Variants in ARHGAP40 observed in about 807,000 individuals in gnomAD.
ARHGAP40 encodes the protein rho GTPase-activating protein 40.
ARHGAP40 carries 43 observed loss-of-function variants against 73.5 expected under a neutral mutation model. The observed-to-expected ratio is 0.58, with a 90% CI of 0.46 to 0.75. ARHGAP40 has a LOEUF of 0.75. Among genes scored for constraint, ARHGAP40 ranks in the 30% least tolerant of loss-of-function variants. The probability of loss-of-function intolerance (pLI) is 0.00; values close to 1 mark genes in which losing one functional copy is unlikely to be tolerated. For missense variants in ARHGAP40, 734 were observed against 861.8 expected, an observed-to-expected ratio of 0.85 and a Z score of 1.86; for synonymous variants, 300 against 352.8, an observed-to-expected ratio of 0.85 and a Z score of 1.68.
intron 2 of ARHGAP40, among the ~76,000 whole-genome samples, chr20:38,625,808 G>A (rs1409455374): frequency 6.6e-6 from 1 of 152,222 alleles, no homozygotes; most frequent in Non-Finnish European, 1.5e-5. Flanking sequence ...GGCAGGTGAT[G>A]TTGGATGCTC....
intron 1 of ARHGAP40, among the ~76,000 whole-genome samples, chr20:38,621,861 C>G (rs913374261): frequency 6.6e-6 from 1 of 152,130 alleles, no homozygotes; most frequent in African/African-American, 2.4e-5. Flanking sequence ...CGAGAACAGC[C>G]TGGGTAACAT....
chr20:38,616,365 C>T (rs192123925), intron 1 of ARHGAP40, among the ~76,000 whole-genome samples: 45 of 152,306 alleles, frequency 3.0e-4, no homozygotes, highest in African/African-American at 9.4e-4. Context: ...ACAAGAGATA[C>T]GTTCAAAAGA....
At chr20:38,620,691 G>A (rs970369357) in intron 1 of ARHGAP40, among the ~76,000 whole-genome samples, 7 of 152,190 alleles carry the variant, frequency 4.6e-5, no homozygotes, top group African/African-American at 1.7e-4. Flanking sequence ...TAATTAACTG[G>A]GACTTGGTCT....
At position 38,631,971 on chromosome 20, in the gene ARHGAP40, T is replaced by G. The variant is rs116177615; in HGVS notation, c.783+2321T>G. ...TATATTTATTTATTTATTTATTTAA[T>G]TTTTTCTTTTTTGAAACAGTCTCAC... On this transcript the variant is annotated intron_variant, in intron 5 of 14. Coordinates refer to ENST00000373345, the Ensembl canonical transcript of ARHGAP40. 8.4e-3 allele frequency among the ~76,000 whole-genome samples: 1,280 copies of G among 152,284 alleles called. 28 individuals carry two copies. The highest frequency in any genetic ancestry group is 0.03 in the African/African-American group (1,234 of 41,548).
intron 11 of ARHGAP40, among the ~76,000 whole-genome samples, chr20:38,645,075 A>C (rs1490774562): frequency 1.3e-5 from 2 of 151,180 alleles, no homozygotes; most frequent in Non-Finnish European, 2.9e-5. Flanking sequence ...GCCAGCTGGC[A>C]CTCCAAACTC....
At chr20:38,630,489 G>A (rs2088931974) in intron 5 of ARHGAP40, among the ~76,000 whole-genome samples, 4 of 152,040 alleles carry the variant, frequency 2.6e-5, no homozygotes, top group Admixed American at 2.6e-4. Flanking sequence ...CCAAAGTGCT[G>A]GGATTACAGG....
At chr20:38,648,548 C>T in intron 13 of ARHGAP40, 95 bp from the exon 14 acceptor site, 1 of 1,060,514 alleles carries the variant, frequency 9.4e-7, no homozygotes, top group Admixed American at 2.8e-5. Flanking sequence ...TGAGGACTGC[C>T]CTTTCCAGGG....
intron 1 of ARHGAP40, among the ~76,000 whole-genome samples, chr20:38,603,315 G>A (rs549470129): frequency 2.5e-4 from 38 of 152,346 alleles, no homozygotes; most frequent in African/African-American, 7.7e-4. Context: ...TCCTATGTGC[G>A]TGGGGCTCTG....
chr20:38,637,725 G>A, exon 7 of ARHGAP40: 1 of 1,305,260 alleles, frequency 7.7e-7, no homozygotes, highest in South Asian at 1.2e-5. Flanking sequence ...CCTCTTTGGT[G>A]TGCCCCTTGA....
chr20:38,605,465 C>A (rs1289910186), intron 1 of ARHGAP40, among the ~76,000 whole-genome samples: 1 of 152,224 alleles, frequency 6.6e-6, no homozygotes, highest in African/African-American at 2.4e-5. Context: ...ACCGAATTCA[C>A]TGTCTATGTG....
In ARHGAP40 at chr20:38,639,213, C is replaced by T; in HGVS notation, c.1120-14C>T. The T allele has an allele frequency of 7.7e-7, 1 of 1,304,796 alleles. No individual in the cohort carries two copies. The highest frequency in any genetic ancestry group is 1.0e-6 in the Non-Finnish European group (1 of 988,396). The allele number at this position is 1,304,796 out of a possible 1,614,324, so 80.8% of individuals were successfully genotyped here. A position where few individuals can be genotyped will look rare whatever the true frequency, so the allele number is the denominator to read the frequency against. ...CCTGGGCCAACTGTGTTTTCATGCC[C>T]CGCCTTCCTGTAGGGGCTGGAACAG... On this transcript the variant is annotated splice_polypyrimidine_tract_variant and intron_variant, in intron 8 of 14. Transcript: ENST00000373345.
chr20:38,631,444 C>T (rs1193934129), intron 5 of ARHGAP40, among the ~76,000 whole-genome samples: 1 of 152,024 alleles, frequency 6.6e-6, no homozygotes, highest in Non-Finnish European at 1.5e-5. Flanking sequence ...AGGTGAAAGG[C>T]ACGTCTCATG....
rs144351852 is a variant in ARHGAP40 at position 38,638,050 on chromosome 20, C to T, written c.1041+251C>T. ...CTTGGCTGGGCGCCGTGGCTCACAC[C>T]TGTAATCCCAGCACTTTGGGAGGCC... On this transcript the variant is annotated intron_variant, in intron 7 of 14. Transcript: ENST00000373345. 2.9e-3 allele frequency among the ~76,000 whole-genome samples: 444 copies of T among 151,842 alleles called. 3 individuals are homozygous for T. Among genetic ancestry groups the T allele is most frequent in the African/African-American group, 0.01 (422 of 41,366 alleles).
chr20:38,643,657 G>A lies in ARHGAP40; in HGVS notation c.1363-47G>A, dbSNP rs114430167. On this transcript the variant is annotated intron_variant, in intron 10 of 14. Coordinates refer to ENST00000373345, the Ensembl canonical transcript of ARHGAP40. ...AATGCCCTGGGGATGGTGGGGAGGCGCCAGGGATGGGCTGAGATTTGAGGG... is the reference window on the plus strand; with the variant it reads ...AATGCCCTGGGGATGGTGGGGAGGCACCAGGGATGGGCTGAGATTTGAGGG... 4,025 of 1,286,114 alleles carry A rather than the reference G, an allele frequency of 3.1e-3. 89 individuals are homozygous for A. The African/African-American group carries it at 0.052, about 17-fold the overall frequency. The allele number at this position is 1,286,114 out of a possible 1,614,324, so 79.7% of individuals were successfully genotyped here.
At chr20:38,639,339 C>T in exon 9 of ARHGAP40, 1 of 1,305,560 alleles carries the variant, frequency 7.7e-7, no homozygotes, top group Non-Finnish European at 1.0e-6. Flanking sequence ...AAGCTGCCGA[C>T]ACCTTTGCTC....
chr20:38,644,802 T>C (rs1178741656), intron 11 of ARHGAP40, among the ~76,000 whole-genome samples: 1 of 151,386 alleles, frequency 6.6e-6, no homozygotes, highest in Non-Finnish European at 1.5e-5. Flanking sequence ...ACCCATCCAC[T>C]CAACCATGCA....
chr20:38,623,057 C>T (rs1237290944), intron 1 of ARHGAP40, among the ~76,000 whole-genome samples: 1 of 152,200 alleles, frequency 6.6e-6, no homozygotes, highest in African/African-American at 2.4e-5. Flanking sequence ...GTTTAATCCC[C>T]TCTTGGGAAT....
chr20:38,624,494 C>T (rs1320757433), intron 2 of ARHGAP40, among the ~76,000 whole-genome samples: 5 of 152,180 alleles, frequency 3.3e-5, no homozygotes, highest in Non-Finnish European at 7.4e-5. Context: ...GTAATAAAGC[C>T]ACCAGATCAT....
chr20:38,603,407 GTCTATCTA>G (rs71330431), intron 1 of ARHGAP40, among the ~76,000 whole-genome samples: 16,341 of 129,452 alleles, frequency 0.13, 1,231 homozygotes, highest in African/African-American at 0.22. Flanking sequence ...TTGTTTATCT[GTCTATCTA>G]TCTATCTATC....
Sources: gnomAD v4.1 joint callset for allele counts (sites outside exome capture counted in the v4.1 genomes callset) on GRCh38, gnomAD v4.1.1 for gene constraint, MANE v1.5 for transcripts, NCBI Gene and HGNC (gene_info 2026-07-23, HGNC 2026-07-21) for gene names.